The following LBHD1 variants were observed in gnomAD, a reference collection of about 807,000 sequenced individuals.
The protein encoded by LBHD1 is LBH domain containing 1.
Under a neutral mutation model 31.1 loss-of-function variants are expected in LBHD1, and 28 were observed. The ratio of observed to expected loss-of-function variants is 0.90; its 90% CI spans 0.67 to 1.24. The LOEUF (loss-of-function observed/expected upper bound fraction) is 1.24, where lower values mean the gene tolerates loss of function less well. LBHD1 is among the 50% of genes most tolerant of loss of function. LBHD1 has a pLI of 0.00. For missense variants in LBHD1, 350 were observed against 323.0 expected, an observed-to-expected ratio of 1.08 and a Z score of -0.64; for synonymous variants, 105 against 116.5, an observed-to-expected ratio of 0.90 and a Z score of 0.63.
chr11:62,666,819 G>A (rs1944828538), intron 4 of LBHD1: 2 of 1,614,210 alleles, frequency 1.2e-6, no homozygotes, highest in Non-Finnish European at 1.7e-6. Flanking sequence ...CTGGACAAAG[G>A]CACATGGGAT....
chr11:62,672,209 CG>C lies in LBHD1; in HGVS notation c.-657del. Reference sequence around the variant, plus strand: ...CGTGGGCCCAGCGGAGAGTCCGGACCGAGATACCATGCCAGGACTCTCCGGG... The same window carrying C: ...CGTGGGCCCAGCGGAGAGTCCGGACCAGATACCATGCCAGGACTCTCCGGG... On this transcript the variant is annotated 5_prime_UTR_variant, in exon 1 of 7. The change abolishes the stop of an existing upstream ORF in the 5' untranslated region. Transcript: ENST00000354588. 7.7e-7 allele frequency: 1 copy of C among 1,297,664 alleles called. No homozygotes were observed. The highest frequency in any genetic ancestry group is 1.4e-5 in the South Asian group (1 of 71,396). 80.4% of individuals were successfully genotyped at this position (1,297,664 alleles called of 1,614,324 possible).
intron 4 of LBHD1, chr11:62,667,108 A>G (rs1429443084): frequency 4.0e-5 from 60 of 1,493,700 alleles, no homozygotes; most frequent in Non-Finnish European, 4.9e-5. Flanking sequence ...GGGCTGAAGA[A>G]CTGTCTTTGC....
In LBHD1 at chr11:62,669,702, C is replaced by G. The variant is rs1944903880; in HGVS notation, c.252G>C (p.Leu84=). The G allele has an allele frequency of 1.9e-6, 3 of 1,614,072 alleles. No individual in the cohort carries two copies. The highest frequency in any genetic ancestry group is 1.7e-5 in the Admixed American group (1 of 60,000). The change falls in exon 3 of 7, where the codon CTG becomes CTC. Residue 84 remains leucine (L), a synonymous_variant. Transcript: ENST00000354588. ...DLHLPHEELL[L]LTDGEEEDAE... is the part of the protein sequence containing the mutation. ...CATCCTCTTCCTCACCATCAGTGAG[C>G]AGCAGCAGCTCCTCATGGGGCAAAT... is the stretch of plus-strand genomic sequence containing the variant.
rs1944957274 is a variant in LBHD1, at chr11:62,672,146, T to G, written c.-593A>C. The G allele has an allele frequency of 6.5e-7, 1 of 1,544,444 alleles. No individual in the cohort carries two copies. The highest frequency in any genetic ancestry group is 1.4e-5 in the African/African-American group (1 of 73,254). On this transcript the variant is annotated 5_prime_UTR_variant, in exon 1 of 7. Coordinates refer to ENST00000354588, the MANE Select transcript of LBHD1 (RefSeq NM_024099.5). ...ACTTGCCTCCGTGGGCGCCGGACCT[T>G]GGCTTGGGCGCAGGAATCCGAGGCA...
At chr11:62,666,052 C>CA (rs1944800785) in intron 4 of LBHD1, 7 of 1,303,736 alleles carry the variant, frequency 5.4e-6, no homozygotes, top group Non-Finnish European at 7.4e-6. Flanking sequence ...TTGTGATTCT[C>CA]AAACCCTACG....
Position 62,671,923 on chromosome 11 carries a change from G to T in LBHD1, c.-370C>A. ...GGCGGGTGGAGAGCCCCGGACTGGA[G>T]CTCCTGCGAACTCCCCTTCCTGCCC... On this transcript the variant is annotated 5_prime_UTR_variant, in exon 1 of 7. Coordinates refer to ENST00000354588, the MANE Select transcript of LBHD1 (RefSeq NM_024099.5). The T allele has an allele frequency of 3.1e-6, 5 of 1,613,194 alleles. No homozygotes were observed. The South Asian group carries it at 5.5e-5, about 18-fold the overall frequency.
chr11:62,665,407 G>T (rs758520271), intron 4 of LBHD1: 6 of 1,394,638 alleles, frequency 4.3e-6, no homozygotes, highest in Admixed American at 3.7e-5. Context: ...AAGGCTCTGG[G>T]CGGGGTCTCA....
intron 5 of LBHD1, among the ~76,000 whole-genome samples, chr11:62,664,601 G>T (rs1353573043): frequency 6.6e-6 from 1 of 152,120 alleles, no homozygotes; most frequent in Admixed American, 6.6e-5. Flanking sequence ...AAAGTGCTGG[G>T]ATTACAGGTA....
Position 62,671,944 on chromosome 11 carries a change from T to C in LBHD1, c.-391A>G. On this transcript the variant is annotated 5_prime_UTR_variant, in exon 1 of 7. Transcript: ENST00000354588. ...TGGAGCTCCTGCGAACTCCCCTTCCTGCCCTCAGGAGATGCCACTGCAGGA... is the reference window on the plus strand; with the variant it reads ...TGGAGCTCCTGCGAACTCCCCTTCCCGCCCTCAGGAGATGCCACTGCAGGA... 6.2e-7 allele frequency: 1 copy of C among 1,613,750 alleles called. No homozygotes were observed. The highest frequency in any genetic ancestry group is 8.5e-7 in the Non-Finnish European group (1 of 1,179,830).
At chr11:62,665,148 T>C (rs747171930) in intron 4 of LBHD1, 175 bp from the exon 5 acceptor site, 3 of 978,478 alleles carry the variant, frequency 3.1e-6, no homozygotes, top group South Asian at 2.7e-5. Context: ...GGCCGGTTGA[T>C]CTTTCCCCCC....
At chr11:62,667,110 T>C in intron 4 of LBHD1, 4 of 1,490,822 alleles carry the variant, frequency 2.7e-6, no homozygotes, top group Non-Finnish European at 3.6e-6. Flanking sequence ...GCTGAAGAAC[T>C]GTCTTTGCAA....
chr11:62,670,067 AGAG>A (rs1944911916), intron 1 of LBHD1, 26 bp from the exon 2 acceptor site: 1 of 1,578,674 alleles, frequency 6.3e-7, no homozygotes, highest in African/African-American at 1.3e-5. Context: ...GATTGAACTC[AGAG>A]GAGAGTACTG....
Position 62,671,532 on chromosome 11 carries a change from C to T in LBHD1, c.-11+32G>A, listed in dbSNP as rs1406903380. 9 of 1,413,350 alleles carry T rather than the reference C, an allele frequency of 6.4e-6. No individual in the cohort carries two copies. The East Asian group carries it at 2.1e-4, about 33-fold the overall frequency. 87.6% of individuals were successfully genotyped at this position (1,413,350 alleles called of 1,614,324 possible). A position where few individuals can be genotyped will look rare whatever the true frequency, so the allele number is the denominator to read the frequency against. On this transcript the variant is annotated intron_variant, in intron 1 of 6. Coordinates refer to ENST00000354588, the MANE Select transcript of LBHD1 (RefSeq NM_024099.5). ...CCGCGCTCAGCCCTTGGTGCCAGCA[C>T]TTCTTGGACACCTCAACCCCCTCAG...
At chr11:62,666,968 T>C (rs1944834952) in intron 4 of LBHD1, 5 of 1,614,174 alleles carry the variant, frequency 3.1e-6, no homozygotes, top group Non-Finnish European at 4.2e-6. Context: ...ACAAGGGTCC[T>C]ATGGCTGGAC....
chr11:62,664,105 A>AC (rs1316490570), intron 5 of LBHD1, among the ~76,000 whole-genome samples: 4 of 143,702 alleles, frequency 2.8e-5, no homozygotes, highest in Non-Finnish European at 6.2e-5. Context: ...AAAAAAAAAA[A>AC]GGACACAGAA....
At chr11:62,665,570 G>C in intron 4 of LBHD1, 1 of 1,568,200 alleles carries the variant, frequency 6.4e-7, no homozygotes, top group African/African-American at 1.3e-5. Context: ...CCGGGACACC[G>C]GGAATCTCGG....
intron 1 of LBHD1, chr11:62,670,544 A>T (rs547041185): frequency 1.5e-3 from 232 of 155,602 alleles, no homozygotes; most frequent in Non-Finnish European, 2.8e-3. Flanking sequence ...CACAGCTAAG[A>T]GGTGTTTTCT....
At position 62,664,734 on chromosome 11, in the gene LBHD1, C is replaced by G. The variant is rs565177597; in HGVS notation, c.663+115G>C. 83 of 1,344,676 alleles carry G rather than the reference C, an allele frequency of 6.2e-5. No homozygotes were observed. In the East Asian group the frequency reaches 1.5e-3, roughly 24 times the overall value. 83.3% of individuals were successfully genotyped at this position (1,344,676 alleles called of 1,614,324 possible). On this transcript the variant is annotated intron_variant, in intron 5 of 6. Coordinates refer to ENST00000354588, the MANE Select transcript of LBHD1 (RefSeq NM_024099.5). Reference sequence around the variant, plus strand: ...AGGAACTAACAGCCGACAGACATTCCCCGCATAAGCGTCAGTGCACAAGGT... The same window carrying G: ...AGGAACTAACAGCCGACAGACATTCGCCGCATAAGCGTCAGTGCACAAGGT...
intron 3 of LBHD1, 30 bp from the exon 4 acceptor site, chr11:62,667,777 T>C (rs554002350): frequency 7.1e-7 from 1 of 1,405,142 alleles, no homozygotes; most frequent in South Asian, 1.2e-5. Flanking sequence ...GGGACAAAAA[T>C]ATTACTGATA....
Sources: gnomAD v4.1 joint callset for allele counts (sites outside exome capture counted in the v4.1 genomes callset) on GRCh38, gnomAD v4.1.1 for gene constraint, MANE v1.5 for transcripts, NCBI Gene and HGNC (gene_info 2026-07-23, HGNC 2026-07-21) for gene names.